Variants in HSD11B1 observed in about 807,000 individuals in gnomAD.
HSD11B1 encodes the protein hydroxysteroid 11-beta dehydrogenase 1, also known as 11-beta-hydroxysteroid dehydrogenase 1.
A neutral mutation model predicts 22.1 loss-of-function variants in HSD11B1; 15 were observed. That is an observed-to-expected ratio of 0.68 (90% CI 0.45 to 1.04). HSD11B1 has a LOEUF of 1.04. Ranked by LOEUF, HSD11B1 falls within the 50% of genes least tolerant of loss-of-function variation. The probability of loss-of-function intolerance (pLI) is 0.00; values close to 1 mark genes in which losing one functional copy is unlikely to be tolerated. For missense variants in HSD11B1, 281 were observed against 357.6 expected (o/e 0.79, Z 1.73); for synonymous variants, 122 against 125.2 (o/e 0.97, Z 0.17).
chr1:209,712,547 G>C (rs1558193155), intron 4 of HSD11B1, among the ~76,000 whole-genome samples: 3 of 152,200 alleles, frequency 2.0e-5, no homozygotes, highest in Admixed American at 1.3e-4. Context: ...TTATATATGA[G>C]GGACTTGAGT....
At chr1:209,707,245 G>T in intron 4 of HSD11B1, 117 bp downstream of exon 4, 1 of 892,836 alleles carries the variant, frequency 1.1e-6, no homozygotes, top group Non-Finnish European at 1.8e-6. Flanking sequence ...AAGTAATGAG[G>T]GATTGGTCAA....
chr1:209,715,303 A>G (rs1223983227), intron 4 of HSD11B1, among the ~76,000 whole-genome samples: 1 of 152,190 alleles, frequency 6.6e-6, no homozygotes, highest in Non-Finnish European at 1.5e-5. Context: ...ATATATAAAT[A>G]TAGATGTGTG....
At chr1:209,731,315 A>G (rs759400025) in intron 4 of HSD11B1, among the ~76,000 whole-genome samples, 13 of 152,222 alleles carry the variant, frequency 8.5e-5, no homozygotes, top group Admixed American at 7.2e-4. Context: ...CACTTAAAAA[A>G]AAAAATCAAC....
intron 4 of HSD11B1, among the ~76,000 whole-genome samples, chr1:209,731,671 T>C (rs992914444): frequency 6.6e-6 from 1 of 152,058 alleles, no homozygotes; most frequent in Non-Finnish European, 1.5e-5. Context: ...CTGGTGAACA[T>C]TTTTTTTAAA....
At chr1:209,698,021 A>G (rs2076802389) in intron 1 of HSD11B1, among the ~76,000 whole-genome samples, 1 of 150,126 alleles carries the variant, frequency 6.7e-6, no homozygotes, top group African/African-American at 2.4e-5. Context: ...AGAGCCACCA[A>G]ACCTGGCTTG....
chr1:209,696,452 A>G (rs1172993169), intron 1 of HSD11B1, among the ~76,000 whole-genome samples: 1 of 152,220 alleles, frequency 6.6e-6, no homozygotes, highest in Non-Finnish European at 1.5e-5. Flanking sequence ...TTGGGTAAGC[A>G]GGTGGTTATA....
upstream of HSD11B1, among the ~76,000 whole-genome samples, chr1:209,704,027 C>G (rs1044501625): frequency 1.3e-5 from 2 of 152,096 alleles, no homozygotes; most frequent in African/African-American, 4.8e-5. Context: ...CTATTTTTAG[C>G]TGGTGTGGGC....
At chr1:209,699,805 AC>A (rs1183610369) in intron 1 of HSD11B1, among the ~76,000 whole-genome samples, 1 of 152,242 alleles carries the variant, frequency 6.6e-6, no homozygotes, top group Non-Finnish European at 1.5e-5. Context: ...CAATAGGGGT[AC>A]AGGTATTGGG....
upstream of HSD11B1, among the ~76,000 whole-genome samples, chr1:209,700,183 G>A (rs1222823596): frequency 5.3e-5 from 8 of 152,202 alleles, no homozygotes; most frequent in East Asian, 1.9e-4. Context: ...TCTCCAACCC[G>A]ACATTTCCCT....
chr1:209,705,729 A>G lies in HSD11B1; in HGVS notation c.89-82A>G. On this transcript the variant is annotated intron_variant, in intron 1 of 5. Coordinates refer to ENST00000367027, the MANE Select transcript of HSD11B1 (RefSeq NM_005525.4). ...TAACCTTTAAGTTACAAATTGCGAT[A>G]AGCATGCCTATATCCAGAGAGGGAG... 3 of 1,550,716 alleles carry G rather than the reference A, an allele frequency of 1.9e-6. No individual in the cohort carries two copies. In the East Asian group the frequency reaches 6.8e-5, roughly 35 times the overall value.
intron 1 of HSD11B1, among the ~76,000 whole-genome samples, chr1:209,687,436 T>A (rs142598166): frequency 6.6e-6 from 1 of 152,230 alleles, no homozygotes; most frequent in African/African-American, 2.4e-5. Context: ...TAGGATGATA[T>A]GAAAATAAAA....
chr1:209,710,780 A>C (rs1008603741), intron 4 of HSD11B1, among the ~76,000 whole-genome samples: 5 of 152,256 alleles, frequency 3.3e-5, no homozygotes, highest in African/African-American at 9.6e-5. Context: ...GAACCTTGTC[A>C]ATAACCTTTG....
At chr1:209,725,410 A>G (rs1385103914) in intron 4 of HSD11B1, among the ~76,000 whole-genome samples, 3 of 152,118 alleles carry the variant, frequency 2.0e-5, no homozygotes, top group East Asian at 1.9e-4. Context: ...ACTTCCTTTC[A>G]TCAAGCAGAA....
intron 1 of HSD11B1, among the ~76,000 whole-genome samples, chr1:209,692,616 G>GGGA (rs1553286745): frequency 2.7e-5 from 3 of 110,530 alleles, no homozygotes; most frequent in African/African-American, 1.0e-4. Context: ...GCGGGGGGGG[G>GGGA]GGTGGGGGCT....
intron 4 of HSD11B1, among the ~76,000 whole-genome samples, chr1:209,718,856 C>T (rs1207780800): frequency 5.3e-5 from 8 of 151,418 alleles, no homozygotes; most frequent in Admixed American, 5.3e-4. Context: ...CCTGTCTCTA[C>T]TAAAAATACA....
chr1:209,686,939 G>A (rs1239184346), intron 1 of HSD11B1, among the ~76,000 whole-genome samples: 8 of 152,144 alleles, frequency 5.3e-5, no homozygotes, highest in Non-Finnish European at 1.2e-4. Flanking sequence ...GGGCTGCTCA[G>A]AATACTGACC....
intron 4 of HSD11B1, among the ~76,000 whole-genome samples, chr1:209,716,069 G>A (rs1039447840): frequency 6.6e-6 from 1 of 152,118 alleles, no homozygotes; most frequent in African/African-American, 2.4e-5. Context: ...AACACAGTAC[G>A]AGAAGTCCTA....
chr1:209,713,367 A>G (rs2076910379), intron 4 of HSD11B1, among the ~76,000 whole-genome samples: 1 of 152,096 alleles, frequency 6.6e-6, no homozygotes, highest in Non-Finnish European at 1.5e-5. Flanking sequence ...ATTTTTCTTC[A>G]TTTTCCAAAT....
chr1:209,697,051 G>C (rs1399511792), intron 1 of HSD11B1, among the ~76,000 whole-genome samples: 1 of 152,234 alleles, frequency 6.6e-6, no homozygotes, highest in Non-Finnish European at 1.5e-5. Flanking sequence ...AGAGGGCAAA[G>C]CCTTCATGAC....
Sources: gnomAD v4.1 joint callset for allele counts (sites outside exome capture counted in the v4.1 genomes callset) on GRCh38, gnomAD v4.1.1 for gene constraint, MANE v1.5 for transcripts, NCBI Gene and HGNC (gene_info 2026-07-23, HGNC 2026-07-21) for gene names.